The following PDZK1IP1 variants were observed in gnomAD, a reference collection of about 807,000 sequenced individuals.
PDZK1IP1 encodes the protein PDZK1 interacting protein 1.
A neutral mutation model predicts 14.7 loss-of-function variants in PDZK1IP1; 9 were observed. The observed-to-expected ratio is 0.61, with a 90% CI of 0.37 to 1.07. The LOEUF is 1.07. PDZK1IP1 is among the 50% of genes least tolerant of loss of function. The pLI, the probability that PDZK1IP1 is intolerant of heterozygous loss-of-function variation, is 0.01. For missense variants in PDZK1IP1, 152 were observed against 148.7 expected, an observed-to-expected ratio of 1.02 and a Z score of -0.11; for synonymous variants, 70 against 61.2, an observed-to-expected ratio of 1.14 and a Z score of -0.67.
intron 2 of PDZK1IP1, 64 bp from the exon 3 acceptor site, chr1:47,185,161 T>G: frequency 7.9e-7 from 1 of 1,260,290 alleles, no homozygotes. Context: ...CAGACCCTAT[T>G]CTGGGTCCTG....
chr1:47,185,163 T>C (rs1459836170), intron 2 of PDZK1IP1, 66 bp from the exon 3 acceptor site: 2 of 1,228,342 alleles, frequency 1.6e-6, no homozygotes, highest in South Asian at 1.2e-5. Flanking sequence ...GACCCTATTC[T>C]GGGTCCTGGT....
chr1:47,185,634 A>C (rs1645314561), intron 2 of PDZK1IP1, among the ~76,000 whole-genome samples: 2 of 152,102 alleles, frequency 1.3e-5, no homozygotes, highest in African/African-American at 4.8e-5. Flanking sequence ...GACATCCCAC[A>C]GGCACCCCAG....
In PDZK1IP1 at chr1:47,185,009, T is replaced by C; in HGVS notation, c.265A>G (p.Ser89Gly). 4 of 1,612,854 alleles carry C rather than the reference T, an allele frequency of 2.5e-6. No individual in the cohort carries two copies. The highest frequency in any genetic ancestry group is 2.5e-6 in the Non-Finnish European group (3 of 1,179,466). ...TDGRYSSMAA[S>G]FRSSEHENAY... ...CCCTGCCCTGCACCTCACCTGAAAC[T>C]GGCCGCCATCGAAGAGTACCTTCCA... The change falls in exon 3 of 4, where the codon AGT becomes GGT. Residue 89 changes from serine (S) to glycine (G), a missense_variant. Coordinates refer to ENST00000294338, the MANE Select transcript of PDZK1IP1 (RefSeq NM_005764.4).
At chr1:47,187,008 G>T (rs568682718) in intron 2 of PDZK1IP1, among the ~76,000 whole-genome samples, 29 of 152,162 alleles carry the variant, frequency 1.9e-4, no homozygotes, top group Non-Finnish European at 3.8e-4. Flanking sequence ...AGGCTGGGCC[G>T]CTATCCTGGC....
At position 47,187,404 on chromosome 1, in the gene PDZK1IP1, T is replaced by A; in HGVS notation, c.91A>T (p.Met31Leu). 6 of 1,612,722 alleles carry A rather than the reference T, an allele frequency of 3.7e-6. No homozygotes were observed. Among genetic ancestry groups the A allele is most frequent in the Non-Finnish European group, 5.1e-6 (6 of 1,179,908 alleles). Residue 31 changes from methionine to leucine, a missense_variant, in exon 2 of 4, where the codon ATG becomes TTG. Transcript: ENST00000294338. ...ACGGCCACCGCGATAAGGCCCTGCA[T>A]CCAGGGCTGAAGGTTCCCCAGGCCT... ...QQGLGNLQPW[M>L]QGLIAVAVFL...
intron 3 of PDZK1IP1, 125 bp downstream of exon 3, chr1:47,184,877 G>A: frequency 1.4e-6 from 1 of 728,846 alleles, no homozygotes; most frequent in Non-Finnish European, 2.4e-6. Flanking sequence ...AGCCCCCATT[G>A]CCTCACTAGC....
chr1:47,187,490 G>A lies in PDZK1IP1; in HGVS notation c.68-63C>T, dbSNP rs534302553. The A allele has an allele frequency of 8.7e-5, 116 of 1,327,198 alleles. No individual in the cohort carries two copies. The African/African-American group carries it at 1.0e-3, about 11-fold the overall frequency. The allele number at this position is 1,327,198 out of a possible 1,614,324, so 82.2% of individuals were successfully genotyped here. On this transcript the variant is annotated intron_variant, in intron 1 of 3. Transcript: ENST00000294338. ...AGTGGGGCTGCATGTGCAGGAGAGC[G>A]AGGGGCCTCACTCTTCAAGGACCCC... is the stretch of plus-strand genomic sequence containing the variant.
intron 2 of PDZK1IP1, 71 bp downstream of exon 2, chr1:47,187,246 TCA>T: frequency 9.7e-7 from 1 of 1,033,806 alleles, no homozygotes; most frequent in South Asian, 1.3e-5. Context: ...GAGGCCCTTC[TCA>T]CTGCTACTAG....
In PDZK1IP1 at chr1:47,189,852, TC is replaced by T; in HGVS notation, c.67+13del. The T allele has an allele frequency of 6.3e-7, 1 of 1,585,908 alleles. No individual in the cohort carries two copies. Among genetic ancestry groups the T allele is most frequent in the South Asian group, 1.1e-5 (1 of 87,838 alleles). Reference sequence around the variant, plus strand: ...CCTGGGTCTCCCGTGCCCAGCCCTCTCCTCCTGAGCTACCTTGCTGACAGCT... The same window carrying T: ...CCTGGGTCTCCCGTGCCCAGCCCTCTCTCCTGAGCTACCTTGCTGACAGCT... On this transcript the variant is annotated intron_variant, in intron 1 of 3. Coordinates refer to ENST00000294338, the MANE Select transcript of PDZK1IP1 (RefSeq NM_005764.4).
intron 3 of PDZK1IP1, 64 bp from the exon 4 acceptor site, chr1:47,184,107 C>G: frequency 8.2e-7 from 1 of 1,224,972 alleles, no homozygotes; most frequent in Non-Finnish European, 1.2e-6. Context: ...CTTCTCCCTG[C>G]CCCTTCCTGC....
Position 47,189,893 on chromosome 1 carries a change from C to T in PDZK1IP1, c.40G>A (p.Ala14Thr), listed in dbSNP as rs1645342457. ...LSLLILGLLT[A>T]VPPASCQQGL... is the part of the protein sequence containing the mutation. ...TGCTGACAGCTGGCAGGTGGCACTG[C>T]CGTGAGCAGGCCCAGAATGAGGAGG... is the stretch of plus-strand genomic sequence containing the variant. Residue 14 changes from alanine to threonine, a missense_variant, in exon 1 of 4, where the codon GCA (alanine) becomes ACA (threonine). Transcript: ENST00000294338. The T allele has an allele frequency of 6.3e-7, 1 of 1,596,834 alleles. No individual in the cohort carries two copies. The highest frequency in any genetic ancestry group is 1.7e-5 in the Admixed American group (1 of 59,612).
chr1:47,186,762 C>T (rs1196324913), intron 2 of PDZK1IP1, among the ~76,000 whole-genome samples: 1 of 152,222 alleles, frequency 6.6e-6, no homozygotes, highest in Admixed American at 6.5e-5. Flanking sequence ...CCTCGTTAGT[C>T]AGGTTTCGGG....
At chr1:47,189,216 T>C (rs1030115742) in intron 1 of PDZK1IP1, among the ~76,000 whole-genome samples, 1 of 151,990 alleles carries the variant, frequency 6.6e-6, no homozygotes, top group Non-Finnish European at 1.5e-5. Context: ...ACCTGCAGAG[T>C]CCCCAGACTT....
At chr1:47,187,581 G>A (rs922238535) in intron 1 of PDZK1IP1, among the ~76,000 whole-genome samples, 154 bp from the exon 2 acceptor site, 8 of 152,204 alleles carry the variant, frequency 5.3e-5, no homozygotes, top group Admixed American at 2.0e-4. Context: ...GCAGGGGTGG[G>A]ATACAGCCCA....
chr1:47,185,038 G>C lies in PDZK1IP1; in HGVS notation c.236C>G (p.Thr79Arg). ...CGCCATCGAAGAGTACCTTCCATCT[G>C]TTCCCACCAGGACTCCATCTGCCTT... is the stretch of plus-strand genomic sequence containing the variant. ...GNKADGVLVG[T>R]DGRYSSMAAS... The change falls in exon 3 of 4, where the codon ACA becomes AGA. Residue 79 changes from threonine (T) to arginine (R), a missense_variant. Transcript: ENST00000294338. The C allele has an allele frequency of 6.2e-7, 1 of 1,613,430 alleles. No homozygotes were observed. Among genetic ancestry groups the C allele is most frequent in the Non-Finnish European group, 8.5e-7 (1 of 1,179,952 alleles).
intron 2 of PDZK1IP1, among the ~76,000 whole-genome samples, 180 bp downstream of exon 2, chr1:47,187,139 A>G (rs1020115474): frequency 6.6e-6 from 1 of 152,166 alleles, no homozygotes. Context: ...CTAGGCTCTC[A>G]TTCCCTCATC....
At chr1:47,187,174 G>A in intron 2 of PDZK1IP1, 145 bp downstream of exon 2, 1 of 644,082 alleles carries the variant, frequency 1.6e-6, no homozygotes, top group East Asian at 2.8e-5. Flanking sequence ...CCCACCCCAT[G>A]ACCTTGAGCC....
Position 47,185,038 on chromosome 1 carries a change from G to T in PDZK1IP1, c.236C>A (p.Thr79Lys). The T allele has an allele frequency of 6.2e-7, 1 of 1,613,430 alleles. No homozygotes were observed. The highest frequency in any genetic ancestry group is 8.5e-7 in the Non-Finnish European group (1 of 1,179,952). The change falls in exon 3 of 4, where the codon ACA (threonine) becomes AAA (lysine). Residue 79 changes from threonine (T) to lysine (K), a missense_variant. Thr to Lys is a moderately conservative substitution (Grantham distance 78). Transcript: ENST00000294338. Reference sequence around the variant, plus strand: ...CGCCATCGAAGAGTACCTTCCATCTGTTCCCACCAGGACTCCATCTGCCTT... The same window carrying T: ...CGCCATCGAAGAGTACCTTCCATCTTTTCCCACCAGGACTCCATCTGCCTT... ...GNKADGVLVG[T>K]DGRYSSMAAS...
In PDZK1IP1 at chr1:47,187,380, C is replaced by T. The variant is rs200168915; in HGVS notation, c.115G>A (p.Val39Met). 346 of 1,612,866 alleles carry T rather than the reference C, an allele frequency of 2.1e-4. 2 individuals carry two copies. The Admixed American group carries it at 4.1e-3, about 19-fold the overall frequency. ...PWMQGLIAVA[V>M]FLVLVAIAFA... ...GCGATTGCAACGAGGACCAGGAACA[C>T]GGCCACCGCGATAAGGCCCTGCATC... is the stretch of plus-strand genomic sequence containing the variant. Residue 39 changes from valine to methionine, a missense_variant, in exon 2 of 4, where the codon GTG becomes ATG. Coordinates refer to ENST00000294338, the MANE Select transcript of PDZK1IP1 (RefSeq NM_005764.4).
Sources: allele counts gnomAD v4.1 joint callset (sites outside exome capture counted in the v4.1 genomes callset), GRCh38; gene constraint gnomAD v4.1.1; transcripts MANE v1.5; gene names NCBI Gene and HGNC (gene_info 2026-07-23, HGNC 2026-07-21).